The following SLC24A2 variants were observed in gnomAD, a reference collection of about 807,000 sequenced individuals.
SLC24A2 encodes sodium/potassium/calcium exchanger 2.
In SLC24A2, 36 loss-of-function variants were observed where a neutral mutation model predicts 62.0. That is an observed-to-expected ratio of 0.58 (90% CI 0.44 to 0.77). The LOEUF (loss-of-function observed/expected upper bound fraction) is 0.77. Among genes scored for constraint, SLC24A2 ranks in the 30% least tolerant of loss-of-function variants. The pLI is 0.00. For synonymous variants in SLC24A2, 358 were observed against 294.0 expected (o/e 1.22, Z -2.23); for missense variants, 846 against 817.9 (o/e 1.03, Z -0.42).
the SLC24A2 span, among the ~76,000 whole-genome samples, chr9:19,924,878 C>A: frequency 6.6e-6 from 1 of 152,158 alleles, no homozygotes. Context: ...TCATTTGGCT[C>A]TTAATCATGC....
chr9:19,563,461 C>T (rs1048104978), intron 7 of SLC24A2, among the ~76,000 whole-genome samples: 1 of 152,184 alleles, frequency 6.6e-6, no homozygotes, highest in East Asian at 1.9e-4. Context: ...CTGCTAAGCA[C>T]TTAAATGTTT....
chr9:19,524,779 T>C (rs1386011723), intron 9 of SLC24A2, among the ~76,000 whole-genome samples: 2 of 152,042 alleles, frequency 1.3e-5, no homozygotes, highest in Non-Finnish European at 2.9e-5. Flanking sequence ...CCATTGAATT[T>C]GTGTTCCTTT....
chr9:19,990,881 C>T, the SLC24A2 span, among the ~76,000 whole-genome samples: 1 of 120,300 alleles, frequency 8.3e-6, no homozygotes, highest in Non-Finnish European at 1.7e-5. Flanking sequence ...CAATAGGGTT[C>T]CGTGCTGTAT....
chr9:20,067,161 C>A, the SLC24A2 span, among the ~76,000 whole-genome samples: 1 of 152,086 alleles, frequency 6.6e-6, no homozygotes, highest in African/African-American at 2.4e-5. Flanking sequence ...TTATTCATTT[C>A]TTTGCCTTCT....
the SLC24A2 span, among the ~76,000 whole-genome samples, chr9:19,890,723 T>C: frequency 0.088 from 13,353 of 152,140 alleles, 696 homozygotes; most frequent in East Asian, 0.25. Context: ...TGTTGCCAGG[T>C]TGGTCTTGAA....
At chr9:19,811,501 T>G in the SLC24A2 span, among the ~76,000 whole-genome samples, 1 of 152,346 alleles carries the variant, frequency 6.6e-6, no homozygotes, top group East Asian at 1.9e-4. Context: ...TATCTTTTTC[T>G]TTCTTTTCCT....
chr9:20,215,552 A>G, the SLC24A2 span, among the ~76,000 whole-genome samples: 3 of 152,208 alleles, frequency 2.0e-5, no homozygotes, highest in East Asian at 5.8e-4. Context: ...TGCTCAAGTA[A>G]AGCCTTTTCC....
At chr9:20,207,552 A>G in the SLC24A2 span, among the ~76,000 whole-genome samples, 1 of 152,194 alleles carries the variant, frequency 6.6e-6, no homozygotes, top group Non-Finnish European at 1.5e-5. Context: ...CACTGCAACA[A>G]TTTGTCTATA....
intron 7 of SLC24A2, among the ~76,000 whole-genome samples, chr9:19,550,539 G>A (rs1191503831): frequency 2.0e-5 from 3 of 152,090 alleles, no homozygotes; most frequent in Non-Finnish European, 2.9e-5. Flanking sequence ...TATTCAACTG[G>A]AGTGGGCTAC....
At chr9:19,692,363 C>T (rs943618408) in intron 2 of SLC24A2, among the ~76,000 whole-genome samples, 1 of 152,040 alleles carries the variant, frequency 6.6e-6, no homozygotes, top group Admixed American at 6.6e-5. Flanking sequence ...CTAATAATGA[C>T]CTCACTAGAT....
At chr9:20,258,589 T>C in the SLC24A2 span, among the ~76,000 whole-genome samples, 3 of 152,344 alleles carry the variant, frequency 2.0e-5, no homozygotes, top group Non-Finnish European at 4.4e-5. Context: ...GACTTTGGGC[T>C]CTGGGACTCA....
chr9:20,281,142 C>G, the SLC24A2 span, among the ~76,000 whole-genome samples: 1 of 152,030 alleles, frequency 6.6e-6, no homozygotes, highest in Non-Finnish European at 1.5e-5. Flanking sequence ...CTTGCACAAG[C>G]AGTTCTCGAA....
the SLC24A2 span, among the ~76,000 whole-genome samples, chr9:19,951,226 T>TG: frequency 6.9e-6 from 1 of 145,978 alleles, no homozygotes; most frequent in Admixed American, 6.8e-5. Context: ...TTTTCTTAAG[T>TG]TGTGTGTGTG....
chr9:19,835,294 A>G, the SLC24A2 span, among the ~76,000 whole-genome samples: 3 of 152,240 alleles, frequency 2.0e-5, no homozygotes, highest in African/African-American at 7.2e-5. Context: ...TTGGATAAAG[A>G]GTCAAGACAC....
intron 4 of SLC24A2, among the ~76,000 whole-genome samples, chr9:19,600,290 G>A (rs750792632): frequency 7.9e-5 from 12 of 152,222 alleles, no homozygotes; most frequent in Non-Finnish European, 4.4e-5. Flanking sequence ...TTACTGAGAT[G>A]TGATGATCCC....
chr9:19,922,809 C>T, the SLC24A2 span, among the ~76,000 whole-genome samples: 2 of 152,096 alleles, frequency 1.3e-5, no homozygotes, highest in Admixed American at 6.6e-5. Flanking sequence ...GGAGCTTGTA[C>T]ATGTCTGAGT....
chr9:20,020,199 G>C, the SLC24A2 span, among the ~76,000 whole-genome samples: 5 of 152,288 alleles, frequency 3.3e-5, no homozygotes, highest in Middle Eastern at 3.4e-3. Flanking sequence ...AATACCATTT[G>C]ACCCAGCCAT....
chr9:19,739,887 G>T (rs1345061817), intron 2 of SLC24A2, among the ~76,000 whole-genome samples: 3 of 152,156 alleles, frequency 2.0e-5, no homozygotes, highest in Non-Finnish European at 4.4e-5. Context: ...AAGTTAGACT[G>T]GGAGAAGATA....
chr9:19,585,366 C>T (rs552083322), intron 5 of SLC24A2, among the ~76,000 whole-genome samples: 1 of 152,210 alleles, frequency 6.6e-6, no homozygotes, highest in African/African-American at 2.4e-5. Flanking sequence ...TGTGTTCAGT[C>T]AACAAGCTTC....
Sources: allele counts gnomAD v4.1 joint callset (sites outside exome capture counted in the v4.1 genomes callset), GRCh38; gene constraint gnomAD v4.1.1; transcripts MANE v1.5; gene names NCBI Gene and HGNC (gene_info 2026-07-23, HGNC 2026-07-21).